JMJD6: variants seen among roughly 807,000 people sequenced by gnomAD.
The protein encoded by JMJD6 is jumonji domain containing 6, arginine demethylase and lysine hydroxylase, also known as bifunctional arginine demethylase and lysyl-hydroxylase JMJD6.
In JMJD6, 17 loss-of-function variants were observed where a neutral mutation model predicts 45.8. The ratio of observed to expected loss-of-function variants is 0.37; its 90% CI spans 0.25 to 0.56. The LOEUF (loss-of-function observed/expected upper bound fraction) is 0.56, where lower values mean the gene tolerates loss of function less well. Ranked by LOEUF, JMJD6 falls within the 20% of genes least tolerant of loss-of-function variation. The probability of loss-of-function intolerance (pLI) is 0.79; values close to 1 mark genes in which losing one functional copy is unlikely to be tolerated. For synonymous variants in JMJD6, 221 were observed against 196.3 expected (o/e 1.13, Z -1.05); for missense variants, 470 against 517.5 (o/e 0.91, Z 0.89).
At chr17:76,726,064 G>A (rs1165073781) in intron 1 of JMJD6, among the ~76,000 whole-genome samples, 1 of 152,202 alleles carries the variant, frequency 6.6e-6, no homozygotes, top group African/African-American at 2.4e-5. Flanking sequence ...TCCCCTAGGG[G>A]ACCCGCCGCC....
At chr17:76,720,268 C>G in intron 5 of JMJD6, 92 bp downstream of exon 5, 1 of 1,206,442 alleles carries the variant, frequency 8.3e-7, no homozygotes, top group Non-Finnish European at 1.2e-6. Flanking sequence ...ATATCCTTCT[C>G]CTGGATAGGA....
Position 76,725,515 on chromosome 17 carries a change from G to C in JMJD6, c.470C>G (p.Thr157Ser). 1 of 1,613,900 alleles carries C rather than the reference G, an allele frequency of 6.2e-7. No homozygotes were observed. The highest frequency in any genetic ancestry group is 1.1e-5 in the South Asian group (1 of 91,064). The change falls in exon 2 of 6, where the codon ACT (threonine) becomes AGT (serine). Residue 157 changes from threonine (T) to serine (S), a missense_variant. This residue lies in a region of JMJD6 where 346 missense variants were observed against 339.5 expected (regional missense o/e 1.02). Coordinates refer to ENST00000397625, the MANE Select transcript of JMJD6 (RefSeq NM_015167.3). ...CCCAGCATACTGGAAAAGGTCATCAGTGAAAAACTTTGGCACCTTGTAGTC... is the reference window on the plus strand; with the variant it reads ...CCCAGCATACTGGAAAAGGTCATCACTGAAAAACTTTGGCACCTTGTAGTC... ...LEDYKVPKFF[T>S]DDLFQYAGEK... is the part of the protein sequence containing the mutation.
chr17:76,720,401 AAG>A lies in JMJD6; in HGVS notation c.1037_1038del (p.Ser346PhefsTer133). 1 of 1,614,156 alleles carries A rather than the reference AAG, an allele frequency of 6.2e-7. No individual in the cohort carries two copies. On this transcript the variant is annotated frameshift_variant, in exon 5 of 6. Transcript: ENST00000397625. LOFTEE classifies it high-confidence loss of function. The part of the protein sequence containing the change: ...TGIASDSSSD[S>X]SSSSSSSSSD... ...GACGAACTGGAGCTGGAGGAGCTGG[AAG>A]AGTCGCTGGAGCTGTCGGAAGCTAT...
At position 76,725,700 on chromosome 17, in the gene JMJD6, C is replaced by T; in HGVS notation, c.285G>A (p.Arg95=). The change falls in exon 2 of 6, where the codon CGG becomes CGA. Residue 95 remains arginine (R), a synonymous_variant. Coordinates refer to ENST00000397625, the MANE Select transcript of JMJD6 (RefSeq NM_015167.3). ...CCTCACCACACTTGAACTTCTGGTT[C>T]CGATATTTCCTTTTTAGGCGCTCCA... ...WTLERLKRKY[R]NQKFKCGEDN... 1 of 1,614,108 alleles carries T rather than the reference C, an allele frequency of 6.2e-7. No individual in the cohort carries two copies. Among genetic ancestry groups the T allele is most frequent in the Non-Finnish European group, 8.5e-7 (1 of 1,180,030 alleles).
intron 2 of JMJD6, among the ~76,000 whole-genome samples, chr17:76,724,596 C>T (rs2076875702): frequency 6.6e-6 from 1 of 152,032 alleles, no homozygotes; most frequent in East Asian, 2.0e-4. Flanking sequence ...GTGGGTGCAT[C>T]ACCTGAGGTC....
intron 3 of JMJD6, 110 bp downstream of exon 3, chr17:76,723,662 C>T (rs932462148): frequency 3.4e-5 from 35 of 1,019,810 alleles, no homozygotes; most frequent in East Asian, 1.9e-4. Context: ...AGGATGGTCT[C>T]GATCTCCTGA....
chr17:76,724,180 G>T, intron 2 of JMJD6, 122 bp from the exon 3 acceptor site: 1 of 1,063,632 alleles, frequency 9.4e-7, no homozygotes, highest in Non-Finnish European at 1.4e-6. Context: ...GAATGCAGTG[G>T]CGTGATCTTG....
chr17:76,716,839 G>C (rs565748611), downstream of JMJD6: 3 of 927,482 alleles, frequency 3.2e-6, no homozygotes, highest in Non-Finnish European at 5.2e-6. Context: ...TCATGGCAGG[G>C]CTTTCTCCAG....
intron 5 of JMJD6, 107 bp downstream of exon 5, chr17:76,720,253 C>G: frequency 9.2e-7 from 1 of 1,083,318 alleles, no homozygotes; most frequent in Non-Finnish European, 1.4e-6. Context: ...CGTGGAAAAA[C>G]TTTCATATCC....
chr17:76,723,074 T>C (rs1256066852), intron 3 of JMJD6, among the ~76,000 whole-genome samples: 1 of 150,666 alleles, frequency 6.6e-6, no homozygotes, highest in African/African-American at 2.4e-5. Context: ...GCCTCCTGAG[T>C]AGCTGGGATT....
chr17:76,716,650 C>T (rs374428742), downstream of JMJD6: 76 of 1,610,112 alleles, frequency 4.7e-5, no homozygotes, highest in Admixed American at 8.3e-5. Flanking sequence ...CAAAAGCTTA[C>T]GCTGAAAGCA....
In JMJD6 at chr17:76,725,406, C is replaced by CAAAAAAA. The variant is rs36106744; in HGVS notation, c.518+54_518+60dup. The CAAAAAAA allele has an allele frequency of 3.2e-4, 307 of 957,676 alleles. 22 individuals are homozygous for CAAAAAAA. Among genetic ancestry groups the CAAAAAAA allele is most frequent in the African/African-American group, 8.7e-4 (34 of 39,022 alleles). The allele number at this position is 957,676 out of a possible 1,614,324, so 59.3% of individuals were successfully genotyped here. Reference sequence around the variant, plus strand: ...GGGCTACAAGAGTGACGCTCTGTCTCAAAAAAAAAAAAAAAAAAAAAAGAA... The same window carrying CAAAAAAA: ...GGGCTACAAGAGTGACGCTCTGTCTCAAAAAAAAAAAAAAAAAAAAAAAAAAAAAGAA... On this transcript the variant is annotated intron_variant, in intron 2 of 5. Coordinates refer to ENST00000397625, the MANE Select transcript of JMJD6 (RefSeq NM_015167.3).
In JMJD6 at chr17:76,722,024, C is replaced by G. The variant is rs1002081479; in HGVS notation, c.806-91G>C. ...ACACCAGAAATTGGGAACTCCTACC[C>G]ATAAGGGAGAGCCTACAGAGACATG... On this transcript the variant is annotated intron_variant, in intron 3 of 5. Coordinates refer to ENST00000397625, the MANE Select transcript of JMJD6 (RefSeq NM_015167.3). 3 of 1,374,274 alleles carry G rather than the reference C, an allele frequency of 2.2e-6. No homozygotes were observed. In the Admixed American group the frequency reaches 6.1e-5, roughly 28 times the overall value. The allele number at this position is 1,374,274 out of a possible 1,614,324, so 85.1% of individuals were successfully genotyped here.
chr17:76,716,834 G>A, downstream of JMJD6: 3 of 1,019,998 alleles, frequency 2.9e-6, no homozygotes, highest in East Asian at 2.4e-5. Flanking sequence ...GGAAGTCATG[G>A]CAGGGCTTTC....
chr17:76,717,536 G>C (rs561709423), downstream of JMJD6, among the ~76,000 whole-genome samples: 3 of 152,170 alleles, frequency 2.0e-5, no homozygotes, highest in Non-Finnish European at 2.9e-5. Context: ...CTTGTACTTG[G>C]AGACGTGATT....
At chr17:76,718,261 C>G (rs1448311198), downstream of JMJD6, among the ~76,000 whole-genome samples, 1 of 150,502 alleles carries the variant, frequency 6.6e-6, no homozygotes, top group African/African-American at 2.4e-5. Context: ...GGAGAAAAAG[C>G]AAGAGGCCAC....
At position 76,725,641 on chromosome 17, in the gene JMJD6, T is replaced by C; in HGVS notation, c.344A>G (p.Lys115Arg). ...GCTCTCCATGTACTCGATGTAGTATTTCATCTTCATCTTCACTGAGTAGCC... is the reference window on the plus strand; with the variant it reads ...GCTCTCCATGTACTCGATGTAGTATCTCATCTTCATCTTCACTGAGTAGCC... The part of the protein sequence containing the change: ...NDGYSVKMKM[K>R]YYIEYMESTR... The change falls in exon 2 of 6, where the codon AAA (lysine) becomes AGA (arginine). Residue 115 changes from lysine (K) to arginine (R), a missense_variant. Lys to Arg is a conservative substitution (Grantham distance 26). This residue lies in a region of JMJD6 where 346 missense variants were observed against 339.5 expected (regional missense o/e 1.02). Coordinates refer to ENST00000397625, the MANE Select transcript of JMJD6 (RefSeq NM_015167.3). The C allele has an allele frequency of 6.2e-7, 1 of 1,613,916 alleles. No homozygotes were observed. The highest frequency in any genetic ancestry group is 1.1e-5 in the South Asian group (1 of 91,078).
chr17:76,721,028 A>G (rs1031828319), intron 4 of JMJD6, among the ~76,000 whole-genome samples: 1 of 152,214 alleles, frequency 6.6e-6, no homozygotes, highest in African/African-American at 2.4e-5. Flanking sequence ...ACTGAACTGA[A>G]GAGCAGCAGC....
downstream of JMJD6, among the ~76,000 whole-genome samples, chr17:76,718,197 A>C (rs928154204): frequency 6.8e-6 from 1 of 148,122 alleles, no homozygotes; most frequent in Non-Finnish European, 1.5e-5. Flanking sequence ...GACAAATCAG[A>C]GTTTTCTGCT....
Sources: allele counts gnomAD v4.1 joint callset (sites outside exome capture counted in the v4.1 genomes callset), GRCh38; gene constraint gnomAD v4.1.1; regional missense constraint gnomAD v4.1.1; transcripts MANE v1.5; gene names NCBI Gene and HGNC (gene_info 2026-07-23, HGNC 2026-07-21).